The following COL14A1 variants were observed in gnomAD, a reference collection of about 807,000 sequenced individuals.
COL14A1 encodes the protein collagen type XIV alpha 1 chain.
In COL14A1, 136 loss-of-function variants were observed where a neutral mutation model predicts 230.3. The observed-to-expected ratio is 0.59, with a 90% CI of 0.51 to 0.68. The LOEUF (loss-of-function observed/expected upper bound fraction) is 0.68, where lower values mean the gene tolerates loss of function less well. COL14A1 is among the 30% of genes least tolerant of loss of function. The pLI is 0.00. For synonymous variants in COL14A1, 792 were observed against 784.1 expected, an observed-to-expected ratio of 1.01 and a Z score of -0.17; for missense variants, 1,976 against 2,215.8, an observed-to-expected ratio of 0.89 and a Z score of 2.17.
intron 42 of COL14A1, among the ~76,000 whole-genome samples, chr8:120,339,508 A>G (rs976754781): frequency 1.3e-5 from 2 of 152,160 alleles, no homozygotes; most frequent in South Asian, 4.1e-4. Context: ...AATAACGACC[A>G]TATCATGAGA....
chr8:120,271,808 A>G (rs893901998), intron 26 of COL14A1, among the ~76,000 whole-genome samples: 2 of 151,596 alleles, frequency 1.3e-5, no homozygotes, highest in Admixed American at 6.6e-5. Context: ...ATTATCATAA[A>G]TGCAACTGGA....
At chr8:120,340,109 A>AGTGTGTGT (rs10665249) in intron 42 of COL14A1, among the ~76,000 whole-genome samples, 47 of 144,018 alleles carry the variant, frequency 3.3e-4, no homozygotes, top group African/African-American at 7.8e-4. Context: ...TGAGTGAGTG[A>AGTGTGTGT]GTGTGTGTGT....
intron 40 of COL14A1, among the ~76,000 whole-genome samples, chr8:120,329,366 G>T (rs1228403497): frequency 6.6e-6 from 1 of 152,136 alleles, no homozygotes; most frequent in African/African-American, 2.4e-5. Flanking sequence ...CAGCACTCTG[G>T]GGAGTTAAGG....
chr8:120,203,898 G>C lies in COL14A1; in HGVS notation c.1039+28G>C, dbSNP rs765539739. 3.7e-6 allele frequency: 6 copies of C among 1,606,576 alleles called. No individual in the cohort carries two copies. In the Admixed American group the frequency reaches 1.0e-4, roughly 27 times the overall value. ...AAAATGAGTGACAGAGCAGTCCTGT[G>C]GATGTCAGTATTATGGTGCACAAGC... On this transcript the variant is annotated intron_variant, in intron 9 of 47. Transcript: ENST00000297848.
intron 5 of COL14A1, among the ~76,000 whole-genome samples, chr8:120,177,727 A>G (rs1237070071): frequency 8.2e-5 from 12 of 146,982 alleles, no homozygotes. Flanking sequence ...CACACTATAT[A>G]TATAGACTAT....
intron 1 of COL14A1, among the ~76,000 whole-genome samples, chr8:120,126,682 C>A (rs4369033): frequency 0.83 from 125,799 of 152,210 alleles, 52,494 homozygotes; most frequent in African/African-American, 0.95. Flanking sequence ...GAGAGGCTCT[C>A]TTGAAACCCA....
At chr8:120,180,985 G>A (rs1480113835) in intron 5 of COL14A1, among the ~76,000 whole-genome samples, 1 of 152,158 alleles carries the variant, frequency 6.6e-6, no homozygotes, top group East Asian at 1.9e-4. Context: ...GGGATTACAG[G>A]CATGAGCTAC....
intron 33 of COL14A1, among the ~76,000 whole-genome samples, chr8:120,287,134 A>G (rs367969422): frequency 2.6e-5 from 4 of 152,082 alleles, no homozygotes; most frequent in African/African-American, 7.2e-5. Flanking sequence ...GGTCAAATCA[A>G]TCTAATTTAT....
chr8:120,225,153 T>A lies in COL14A1; in HGVS notation c.1803T>A (p.Ile601=). Residue 601 remains isoleucine (I), a synonymous_variant, in exon 15 of 48, where the codon ATT becomes ATA. Coordinates refer to ENST00000297848, the MANE Select transcript of COL14A1 (RefSeq NM_021110.4). ...KGLTPLTEYT[I]AIFSIYDEGQ... is the part of the protein sequence containing the mutation. ...TGACACCTCTCACAGAGTATACTATTGCTATTTTCTCCATCTATGATGAAG... is the reference window on the plus strand; with the variant it reads ...TGACACCTCTCACAGAGTATACTATAGCTATTTTCTCCATCTATGATGAAG... 6.2e-7 allele frequency: 1 copy of A among 1,612,948 alleles called. No individual in the cohort carries two copies. The highest frequency in any genetic ancestry group is 8.5e-7 in the Non-Finnish European group (1 of 1,179,638).
intron 33 of COL14A1, among the ~76,000 whole-genome samples, chr8:120,287,754 A>G (rs915880765): frequency 1.3e-5 from 2 of 152,212 alleles, no homozygotes; most frequent in Non-Finnish European, 2.9e-5. Context: ...TCATGTGACA[A>G]AATACTTTAT....
At chr8:120,346,752 C>T (rs1822528370) in intron 45 of COL14A1, among the ~76,000 whole-genome samples, 1 of 152,170 alleles carries the variant, frequency 6.6e-6, no homozygotes, top group African/African-American at 2.4e-5. Context: ...CCATGAACAC[C>T]TGATGCCCTT....
At chr8:120,209,463 A>G (rs1817553409) in intron 11 of COL14A1, among the ~76,000 whole-genome samples, 1 of 152,182 alleles carries the variant, frequency 6.6e-6, no homozygotes, top group Non-Finnish European at 1.5e-5. Context: ...AAGGGCTGTA[A>G]GCACTCTCAT....
At chr8:120,335,192 G>C (rs967358790) in intron 42 of COL14A1, among the ~76,000 whole-genome samples, 3 of 152,140 alleles carry the variant, frequency 2.0e-5, no homozygotes, top group African/African-American at 7.2e-5. Context: ...GAGTAACTAT[G>C]ATAGCACCCT....
intron 22 of COL14A1, among the ~76,000 whole-genome samples, chr8:120,254,101 G>A (rs1413968483): frequency 6.6e-6 from 1 of 152,082 alleles, no homozygotes; most frequent in African/African-American, 2.4e-5. Flanking sequence ...TTACCATCTT[G>A]AAAAGATAAT....
Position 120,197,842 on chromosome 8 carries a change from A to C in COL14A1, c.624A>C (p.Ile208=). The C allele has an allele frequency of 6.2e-7, 1 of 1,613,770 alleles. No individual in the cohort carries two copies. Among genetic ancestry groups the C allele is most frequent in the Non-Finnish European group, 8.5e-7 (1 of 1,179,706 alleles). ...CACAGTATAGTGGTGACCCCAGAAT[A>C]GAATGGCACTTGAATGCATTTAGCA... ...GLAQYSGDPR[I]EWHLNAFSTK... Residue 208 remains isoleucine (I), a synonymous_variant, in exon 7 of 48, where the codon ATA becomes ATC. Transcript: ENST00000297848.
chr8:120,297,149 G>A lies in COL14A1; in HGVS notation c.4237-362G>A, dbSNP rs150601780. ...TAAATAATTGTGTAGTGGGAGGTGT[G>A]CTATAGAGGAGGCATATGGAGTGTT... is the stretch of plus-strand genomic sequence containing the variant. On this transcript the variant is annotated intron_variant, in intron 34 of 47. Transcript: ENST00000297848. 2.6e-3 allele frequency among the ~76,000 whole-genome samples: 400 copies of A among 151,952 alleles called. 2 individuals are homozygous for A. The highest frequency in any genetic ancestry group is 8.7e-3 in the African/African-American group (361 of 41,478).
Position 120,255,330 on chromosome 8 carries a change from A to G in COL14A1, c.2843A>G (p.Tyr948Cys). Residue 948 changes from tyrosine (Y) to cysteine (C), a missense_variant, in exon 23 of 48, where the codon TAT becomes TGT. Around this residue, in one of 3 missense-constraint regions of COL14A1, gnomAD observed 1,791 missense variants for 2,019.5 expected, o/e 0.89. Transcript: ENST00000297848. Reference sequence around the variant, plus strand: ...CAGGTACATCGCCATGCCACAGCCTATAGGGTTGTTATAGAATCCCTCCAG... The same window carrying G: ...CAGGTACATCGCCATGCCACAGCCTGTAGGGTTGTTATAGAATCCCTCCAG... ...HWQVHRHATA[Y>C]RVVIESLQDR... 1 of 1,613,668 alleles carries G rather than the reference A, an allele frequency of 6.2e-7. No homozygotes were observed.
chr8:120,193,416 C>G (rs1031808771), intron 5 of COL14A1, among the ~76,000 whole-genome samples: 2 of 152,156 alleles, frequency 1.3e-5, no homozygotes, highest in African/African-American at 4.8e-5. Flanking sequence ...AGTTTTGTCT[C>G]AGAGGAGTAA....
intron 2 of COL14A1, among the ~76,000 whole-genome samples, chr8:120,151,425 G>A (rs1815275205): frequency 6.6e-6 from 1 of 151,966 alleles, no homozygotes. Context: ...CGGATCATGA[G>A]GTCAGGAGTT....
Sources: gnomAD v4.1 joint callset for allele counts (sites outside exome capture counted in the v4.1 genomes callset) on GRCh38, gnomAD v4.1.1 for gene constraint, gnomAD v4.1.1 regional missense constraint, MANE v1.5 for transcripts, NCBI Gene and HGNC (gene_info 2026-07-23, HGNC 2026-07-21) for gene names.